The following L3MBTL4 variants were observed in gnomAD, a reference collection of about 807,000 sequenced individuals.
L3MBTL4 encodes the protein lethal(3)malignant brain tumor-like protein 4.
In L3MBTL4, 70 loss-of-function variants were observed where a neutral mutation model predicts 84.5. That is an observed-to-expected ratio of 0.83 (90% CI 0.68 to 1.01). The LOEUF (loss-of-function observed/expected upper bound fraction) is 1.01. Among genes scored for constraint, L3MBTL4 ranks in the 50% least tolerant of loss-of-function variants. The pLI, the probability that L3MBTL4 is intolerant of heterozygous loss-of-function variation, is 0.00. For missense variants in L3MBTL4, 715 were observed against 754.8 expected (o/e 0.95, Z 0.62); for synonymous variants, 274 against 259.8 (o/e 1.05, Z -0.52).
intron 16 of L3MBTL4, among the ~76,000 whole-genome samples, chr18:6,016,707 T>C (rs1484048528): frequency 6.6e-6 from 1 of 152,222 alleles, no homozygotes; most frequent in South Asian, 2.1e-4. Flanking sequence ...ACTAATAGCA[T>C]GATTTGCTAA....
chr18:6,133,197 G>T (rs926064300), intron 14 of L3MBTL4, among the ~76,000 whole-genome samples: 1 of 152,108 alleles, frequency 6.6e-6, no homozygotes. Flanking sequence ...TGATGGAACC[G>T]TTCCATATCT....
intron 16 of L3MBTL4, among the ~76,000 whole-genome samples, chr18:6,004,848 C>T (rs1342802403): frequency 2.0e-5 from 3 of 151,854 alleles, no homozygotes; most frequent in African/African-American, 7.3e-5. Flanking sequence ...CTGCAGGGAG[C>T]GGCAATGGGG....
chr18:6,364,082 G>A (rs778756527), intron 1 of L3MBTL4, among the ~76,000 whole-genome samples: 1 of 152,002 alleles, frequency 6.6e-6, no homozygotes, highest in African/African-American at 2.4e-5. Context: ...GTATCTACGC[G>A]TGCCTGGATT....
intron 16 of L3MBTL4, among the ~76,000 whole-genome samples, chr18:6,079,438 G>T (rs2057992720): frequency 6.6e-6 from 1 of 152,202 alleles, no homozygotes; most frequent in African/African-American, 2.4e-5. Flanking sequence ...CACAGTAAAT[G>T]CATGAATAAA....
At chr18:5,961,728 A>G (rs1421182248) in intron 17 of L3MBTL4, among the ~76,000 whole-genome samples, 1 of 150,254 alleles carries the variant, frequency 6.7e-6, no homozygotes, top group Non-Finnish European at 1.5e-5. Context: ...AGAACCTGAC[A>G]CTCTGGCAGT....
intron 16 of L3MBTL4, among the ~76,000 whole-genome samples, chr18:6,042,542 A>G (rs1024081947): frequency 1.3e-5 from 2 of 152,154 alleles, no homozygotes; most frequent in Admixed American, 6.5e-5. Flanking sequence ...AAAGACCTCA[A>G]TGTTATTCAA....
intron 16 of L3MBTL4, among the ~76,000 whole-genome samples, chr18:5,972,877 T>TAGAACAGAAG (rs1288411429): frequency 3.0e-4 from 23 of 76,154 alleles, no homozygotes; most frequent in Admixed American, 2.3e-3. Flanking sequence ...TAGAATAGAA[T>TAGAACAGAAG]AGAATAGAAC....
chr18:6,244,501 C>T lies in L3MBTL4; in HGVS notation c.307G>A (p.Val103Met), dbSNP rs1009545490. ...CCTCTTACCTCCGCTACAGAAAGCA[C>T]ACAGAATACCGATGGATGTCGGGGA... The part of the protein sequence containing the change: ...IDPRHPSVFC[V>M]LSVAEVCGYR... Residue 103 changes from valine to methionine, a missense_variant, in exon 6 of 19, where the codon GTG becomes ATG. Transcript: ENST00000317931. 3.7e-6 allele frequency: 6 copies of T among 1,612,270 alleles called. No homozygotes were observed. Among genetic ancestry groups the T allele is most frequent in the Middle Eastern group, 1.7e-4 (1 of 6,058 alleles).
Position 6,176,838 on chromosome 18 carries a change from C to A in L3MBTL4, c.982-4896G>T, listed in dbSNP as rs185908730. ...TTCAATGTAAAAAATGAGCAAAAGA[C>A]TCAATGAACATTTTGGAAAAAAAAT... On this transcript the variant is annotated intron_variant, in intron 12 of 18. Transcript: ENST00000317931. 4.5e-4 allele frequency among the ~76,000 whole-genome samples: 69 copies of A among 152,162 alleles called. 1 individual carries two copies. The highest frequency in any genetic ancestry group is 5.9e-5 in the Non-Finnish European group (4 of 68,000).
At chr18:6,326,154 C>T (rs1468601206) in intron 1 of L3MBTL4, among the ~76,000 whole-genome samples, 1 of 152,138 alleles carries the variant, frequency 6.6e-6, no homozygotes, top group Non-Finnish European at 1.5e-5. Context: ...TAAGCTGCGC[C>T]CTGGCATTTC....
intron 1 of L3MBTL4, among the ~76,000 whole-genome samples, chr18:6,351,204 C>T (rs1011877531): frequency 2.0e-5 from 3 of 151,872 alleles, no homozygotes; most frequent in South Asian, 2.1e-4. Context: ...TCGAAAAAAG[C>T]GCATACTACA....
chr18:6,244,581 G>C lies in L3MBTL4; in HGVS notation c.227C>G (p.Ser76Cys). ...AAAACCATTTTCATGCTCTGGAAAG[G>C]ACTGATCCTACAAAATTTCACGACA... ...APVELFSKDQ[S>C]FPEHENGFQI... Residue 76 changes from serine (S) to cysteine (C), a missense_variant, in exon 6 of 19, where the codon TCC becomes TGC. Ser to Cys is a moderately radical substitution (Grantham distance 112, BLOSUM62 -1). Coordinates refer to ENST00000317931, the MANE Select transcript of L3MBTL4 (RefSeq NM_001330559.2). 1.9e-6 allele frequency: 3 copies of C among 1,609,070 alleles called. No homozygotes were observed. Among genetic ancestry groups the C allele is most frequent in the Non-Finnish European group, 2.6e-6 (3 of 1,175,626 alleles).
chr18:6,143,975 A>G (rs1195799242), intron 13 of L3MBTL4, among the ~76,000 whole-genome samples: 1 of 152,150 alleles, frequency 6.6e-6, no homozygotes, highest in Non-Finnish European at 1.5e-5. Context: ...AGGGTGGCGG[A>G]TCACAAGGTC....
At chr18:6,324,225 C>T (rs568428119) in intron 1 of L3MBTL4, among the ~76,000 whole-genome samples, 2 of 152,330 alleles carry the variant, frequency 1.3e-5, no homozygotes, top group African/African-American at 4.8e-5. Flanking sequence ...AAGCCTGCTG[C>T]AGTGGTGGAG....
At chr18:6,316,928 T>C (rs2051134842) in intron 1 of L3MBTL4, among the ~76,000 whole-genome samples, 1 of 152,154 alleles carries the variant, frequency 6.6e-6, no homozygotes, top group South Asian at 2.1e-4. Context: ...AACCAGTTTC[T>C]ACCCAGGGAT....
chr18:6,346,103 A>AATATATATATATATATAT (rs34294575), intron 1 of L3MBTL4, among the ~76,000 whole-genome samples: 11 of 129,814 alleles, frequency 8.5e-5, no homozygotes, highest in African/African-American at 2.7e-4. Context: ...ATGATGTTGG[A>AATATATATATATATATAT]ATATATATAT....
intron 16 of L3MBTL4, among the ~76,000 whole-genome samples, 197 bp from the exon 17 acceptor site, chr18:5,969,759 A>G (rs2052546099): frequency 6.6e-6 from 1 of 152,206 alleles, no homozygotes; most frequent in Non-Finnish European, 1.5e-5. Flanking sequence ...GGTCATAGAC[A>G]GATGTTACCC....
At chr18:6,170,275 C>A (rs894968109) in intron 13 of L3MBTL4, among the ~76,000 whole-genome samples, 2 of 152,140 alleles carry the variant, frequency 1.3e-5, no homozygotes, top group Admixed American at 6.5e-5. Flanking sequence ...CACTAGCAGA[C>A]TACAGGCCAC....
intron 4 of L3MBTL4, among the ~76,000 whole-genome samples, chr18:6,267,303 G>T (rs1253913719): frequency 6.6e-6 from 1 of 152,132 alleles, no homozygotes; most frequent in African/African-American, 2.4e-5. Flanking sequence ...CATCAAATAA[G>T]ACACCAGAAT....
Sources: gnomAD v4.1 joint callset for allele counts (sites outside exome capture counted in the v4.1 genomes callset) on GRCh38, gnomAD v4.1.1 for gene constraint, MANE v1.5 for transcripts, NCBI Gene and HGNC (gene_info 2026-07-23, HGNC 2026-07-21) for gene names.